GRID2: variants seen among roughly 807,000 people sequenced by gnomAD.
The protein encoded by GRID2 is glutamate receptor ionotropic, delta-2.
In GRID2, 33 loss-of-function variants were observed where a neutral mutation model predicts 114.8. That is an observed-to-expected ratio of 0.29 (90% CI 0.22 to 0.38). The LOEUF (loss-of-function observed/expected upper bound fraction) is 0.38. Ranked by LOEUF, GRID2 falls within the 10% of genes least tolerant of loss-of-function variation. GRID2 has a pLI of 1.00. For missense variants in GRID2, 1,184 were observed against 1,257.7 expected (o/e 0.94, Z 0.89); for synonymous variants, 505 against 449.9 (o/e 1.12, Z -1.55).
At position 93,395,610 on chromosome 4, in the gene GRID2, G is replaced by A. The variant is rs1373985434; in HGVS notation, c.1249G>A (p.Gly417Ser). ...CCAAAGTTGTCTTATCTTTCAGCTTGGTTGCTGGAATCCTGTCACAGGTCT... is the reference window on the plus strand; with the variant it reads ...CCAAAGTTGTCTTATCTTTCAGCTTAGTTGCTGGAATCCTGTCACAGGTCT... ...EELGRGVRKL[G>S]CWNPVTGLNG... The change falls in exon 9 of 16, where the codon GGT (glycine) becomes AGT (serine). Residue 417 changes from glycine (G) to serine (S), a missense_variant. Transcript: ENST00000282020. The A allele has an allele frequency of 1.4e-6, 2 of 1,469,488 alleles. No homozygotes were observed. Among genetic ancestry groups the A allele is most frequent in the Admixed American group, 3.4e-5 (2 of 59,666 alleles). 91.0% of individuals were successfully genotyped at this position (1,469,488 alleles called of 1,614,324 possible).
At chr4:92,809,464 A>G (rs1740563705) in intron 2 of GRID2, among the ~76,000 whole-genome samples, 1 of 152,002 alleles carries the variant, frequency 6.6e-6, no homozygotes, top group African/African-American at 2.4e-5. Context: ...TGTGAGATAC[A>G]GTAGTGAATA....
At chr4:93,667,594 A>G (rs1051759345) in intron 14 of GRID2, among the ~76,000 whole-genome samples, 4 of 152,040 alleles carry the variant, frequency 2.6e-5, no homozygotes, top group African/African-American at 7.2e-5. Flanking sequence ...GTCCCAGGAT[A>G]TACCATCCTG....
chr4:93,034,893 T>A (rs1030364868), intron 2 of GRID2, among the ~76,000 whole-genome samples: 5 of 152,180 alleles, frequency 3.3e-5, no homozygotes, highest in Non-Finnish European at 7.3e-5. Context: ...GCTGGCCCCG[T>A]GCGTGTTCAG....
intron 14 of GRID2, among the ~76,000 whole-genome samples, chr4:93,765,245 A>C (rs1733548205): frequency 6.6e-6 from 1 of 152,144 alleles, no homozygotes; most frequent in African/African-American, 2.4e-5. Flanking sequence ...GTTATGACAG[A>C]ACTCTGGACT....
At chr4:93,128,061 A>AAAAAAAAAAAAAG (rs1560908630) in intron 4 of GRID2, among the ~76,000 whole-genome samples, 2 of 84,072 alleles carry the variant, frequency 2.4e-5, no homozygotes, top group Non-Finnish European at 4.7e-5. Context: ...AAAAAAAAAC[A>AAAAAAAAAAAAAG]ACAGTACGTG....
At chr4:92,639,071 G>A (rs1320020426) in intron 2 of GRID2, among the ~76,000 whole-genome samples, 1 of 151,414 alleles carries the variant, frequency 6.6e-6, no homozygotes, top group Non-Finnish European at 1.5e-5. Context: ...AAACCAGACT[G>A]TAATGAAACT....
At chr4:93,408,417 A>G (rs1215390974) in intron 9 of GRID2, among the ~76,000 whole-genome samples, 1 of 152,042 alleles carries the variant, frequency 6.6e-6, no homozygotes, top group Non-Finnish European at 1.5e-5. Context: ...TCATCTAGGC[A>G]GGAAAGCAGG....
chr4:92,472,330 A>T (rs920049239), intron 1 of GRID2, among the ~76,000 whole-genome samples: 2 of 152,068 alleles, frequency 1.3e-5, no homozygotes, highest in African/African-American at 4.8e-5. Flanking sequence ...ATCCACTCAC[A>T]CGTTGATGGA....
intron 8 of GRID2, among the ~76,000 whole-genome samples, chr4:93,334,756 C>A (rs567173305): frequency 1.7e-3 from 264 of 152,142 alleles, no homozygotes; most frequent in African/African-American, 6.1e-3. Flanking sequence ...TGGAGAAACC[C>A]CATCTCAACT....
intron 1 of GRID2, among the ~76,000 whole-genome samples, chr4:92,543,120 G>T (rs1028853848): frequency 1.9e-4 from 29 of 152,032 alleles, no homozygotes; most frequent in Non-Finnish European, 3.7e-4. Flanking sequence ...AATTTTCCTT[G>T]AACACTTGGA....
At chr4:92,710,476 T>A (rs1207774711) in intron 2 of GRID2, among the ~76,000 whole-genome samples, 1 of 152,214 alleles carries the variant, frequency 6.6e-6, no homozygotes, top group Non-Finnish European at 1.5e-5. Flanking sequence ...TTTTCTTCTA[T>A]CAGATAAACT....
chr4:93,258,586 C>T (rs1749884745), intron 8 of GRID2, among the ~76,000 whole-genome samples: 1 of 151,540 alleles, frequency 6.6e-6, no homozygotes, highest in Admixed American at 6.6e-5. Flanking sequence ...ACAAATGTGG[C>T]TTTATGCATT....
chr4:93,757,047 T>C (rs1451939896), intron 14 of GRID2, among the ~76,000 whole-genome samples: 1 of 152,162 alleles, frequency 6.6e-6, no homozygotes, highest in Non-Finnish European at 1.5e-5. Context: ...GCAGAGGAGA[T>C]GGAATCTGAG....
chr4:92,419,619 C>A (rs1163183440), intron 1 of GRID2, among the ~76,000 whole-genome samples: 2 of 152,002 alleles, frequency 1.3e-5, no homozygotes, highest in Admixed American at 6.6e-5. Flanking sequence ...AGAGATATTT[C>A]TTTAACTGCT....
chr4:92,432,164 C>T (rs777794199), intron 1 of GRID2, among the ~76,000 whole-genome samples: 1 of 152,104 alleles, frequency 6.6e-6, no homozygotes, highest in Non-Finnish European at 1.5e-5. Flanking sequence ...TTTGTGGCCA[C>T]CACCACTAGG....
chr4:93,614,532 G>T (rs928473189), intron 13 of GRID2, among the ~76,000 whole-genome samples: 1 of 151,850 alleles, frequency 6.6e-6, no homozygotes, highest in Non-Finnish European at 1.5e-5. Flanking sequence ...ATAAAAACAT[G>T]AAATAGTCAT....
In GRID2 at chr4:92,597,798, G is replaced by C. The variant is rs114227370; in HGVS notation, c.244+7512G>C. 3.5e-3 allele frequency among the ~76,000 whole-genome samples: 539 copies of C among 152,186 alleles called. 1 individual carries two copies. Among genetic ancestry groups the C allele is most frequent in the African/African-American group, 0.013 (521 of 41,518 alleles). On this transcript the variant is annotated intron_variant, in intron 2 of 15. Coordinates refer to ENST00000282020, the MANE Select transcript of GRID2 (RefSeq NM_001510.4). ...ATCTTAAATTAACTCTGAATATCTG[G>C]TTGATTTGATTAAAAACCACATTTA...
At chr4:93,380,820 G>A (rs1405199351) in intron 8 of GRID2, among the ~76,000 whole-genome samples, 2 of 151,972 alleles carry the variant, frequency 1.3e-5, no homozygotes, top group African/African-American at 4.8e-5. Context: ...TAAAACAACT[G>A]TTTTATTACT....
chr4:93,528,278 A>G (rs1196774109), intron 13 of GRID2, among the ~76,000 whole-genome samples: 1 of 151,954 alleles, frequency 6.6e-6, no homozygotes, highest in Non-Finnish European at 1.5e-5. Context: ...GCTCTCAATT[A>G]TCTTGGGTAT....
Sources: gnomAD v4.1 joint callset for allele counts (sites outside exome capture counted in the v4.1 genomes callset) on GRCh38, gnomAD v4.1.1 for gene constraint, MANE v1.5 for transcripts, NCBI Gene and HGNC (gene_info 2026-07-23, HGNC 2026-07-21) for gene names.